The following MAP3K19 variants were observed in gnomAD, a reference collection of about 807,000 sequenced individuals.
MAP3K19 encodes SPS1/STE20-related protein kinase YSK4.
In MAP3K19, 91 loss-of-function variants were observed where a neutral mutation model predicts 114.4. The observed-to-expected ratio is 0.80, with a 90% CI of 0.67 to 0.95. The LOEUF is 0.95. MAP3K19 is among the 40% of genes least tolerant of loss of function. MAP3K19 has a pLI of 0.00. For missense variants in MAP3K19, 1,471 were observed against 1,573.2 expected, an observed-to-expected ratio of 0.94 and a Z score of 1.10; for synonymous variants, 518 against 530.5, an observed-to-expected ratio of 0.98 and a Z score of 0.32.
chr2:135,006,991 C>T (rs1374240029), intron 5 of MAP3K19, among the ~76,000 whole-genome samples: 1 of 151,714 alleles, frequency 6.6e-6, no homozygotes, highest in Non-Finnish European at 1.5e-5. Context: ...TGGTGAAGCC[C>T]CATCTCTACA....
chr2:134,998,760 C>T lies in MAP3K19; in HGVS notation c.552G>A (p.Lys184=). The stretch of plus-strand genomic sequence containing the variant: ...TACCTTCAGATTTTCTTTGCTGCTC[C>T]TTCAGAAAATGAGGAGCATCTTCTC... The part of the protein sequence containing the change: ...VTREDAPHFL[K]EQQRKSEEFS... Residue 184 remains lysine (K), a synonymous_variant, in exon 8 of 13, where the codon AAG becomes AAA. Coordinates refer to ENST00000392915, the MANE Select transcript of MAP3K19 (RefSeq NM_025052.5). 1 of 1,599,672 alleles carries T rather than the reference C, an allele frequency of 6.3e-7. No homozygotes were observed. The highest frequency in any genetic ancestry group is 1.1e-5 in the South Asian group (1 of 88,768).
chr2:134,974,596 C>T (rs1684099123), intron 12 of MAP3K19, among the ~76,000 whole-genome samples: 1 of 152,134 alleles, frequency 6.6e-6, no homozygotes, highest in African/African-American at 2.4e-5. Context: ...ATTTTCTATA[C>T]CTTTGGTCTT....
Position 134,986,154 on chromosome 2 carries a change from G to A in MAP3K19, c.2718C>T (p.Phe906=). 6.2e-7 allele frequency: 1 copy of A among 1,613,800 alleles called. No individual in the cohort carries two copies. Among genetic ancestry groups the A allele is most frequent in the Non-Finnish European group, 8.5e-7 (1 of 1,179,930 alleles). Residue 906 remains phenylalanine, a synonymous_variant, in exon 10 of 13, where the codon TTC becomes TTT. Coordinates refer to ENST00000392915, the MANE Select transcript of MAP3K19 (RefSeq NM_025052.5). Reference sequence around the variant, plus strand: ...CACTTTCTTGTTTTGCTTGGAAAGAGAAATTTGTAAGTGTTTTAGAGTGAT... The same window carrying A: ...CACTTTCTTGTTTTGCTTGGAAAGAAAAATTTGTAAGTGTTTTAGAGTGAT... The part of the protein sequence containing the change: ...VSDHSKTLTN[F]SFQAKQESAS...
intron 11 of MAP3K19, among the ~76,000 whole-genome samples, chr2:134,982,798 G>A (rs1388112978): frequency 6.6e-6 from 1 of 152,204 alleles, no homozygotes; most frequent in African/African-American, 2.4e-5. Context: ...TAATCTCAGT[G>A]GTTTTGTGTC....
intron 2 of MAP3K19, among the ~76,000 whole-genome samples, chr2:135,037,815 C>T (rs10167809): frequency 0.27 from 40,326 of 152,046 alleles, 7,211 homozygotes; most frequent in African/African-American, 0.48. Flanking sequence ...CAGGGGTCAC[C>T]TGGTCCTCTT....
At chr2:134,983,255 C>G (rs1230680169) in intron 11 of MAP3K19, 1 of 535,426 alleles carries the variant, frequency 1.9e-6, no homozygotes, top group South Asian at 1.4e-5. Context: ...TTTTTGCCAT[C>G]TAGTAATGAT....
intron 12 of MAP3K19, among the ~76,000 whole-genome samples, chr2:134,972,502 C>CA (rs1683950080): frequency 6.6e-6 from 1 of 152,042 alleles, no homozygotes; most frequent in East Asian, 1.9e-4. Context: ...AAGGTCACCC[C>CA]ATCTGGAATG....
At chr2:134,971,242 C>T (rs1014184034) in intron 12 of MAP3K19, among the ~76,000 whole-genome samples, 1 of 152,074 alleles carries the variant, frequency 6.6e-6, no homozygotes, top group South Asian at 2.1e-4. Context: ...CATGTTAAAC[C>T]ATCCTTGCAT....
intron 6 of MAP3K19, among the ~76,000 whole-genome samples, chr2:135,000,562 G>A (rs530362224): frequency 8.2e-4 from 125 of 152,298 alleles, no homozygotes; most frequent in African/African-American, 2.7e-3. Flanking sequence ...GTTCTTTAAG[G>A]TGTGTTCATT....
At chr2:135,029,244 C>T (rs1445989245) in intron 3 of MAP3K19, among the ~76,000 whole-genome samples, 3 of 152,066 alleles carry the variant, frequency 2.0e-5, no homozygotes, top group Non-Finnish European at 2.9e-5. Context: ...GGCATGGTGG[C>T]GGGCGCCTGT....
At chr2:135,007,276 A>G (rs1686892736) in intron 5 of MAP3K19, among the ~76,000 whole-genome samples, 1 of 152,194 alleles carries the variant, frequency 6.6e-6, no homozygotes, top group Non-Finnish European at 1.5e-5. Flanking sequence ...AGCAGTTTAT[A>G]CTTAAACATT....
In MAP3K19 at chr2:134,999,484, T is replaced by C. The variant is rs1686280575; in HGVS notation, c.314+453A>G. ...TCAATTTGTTTCACTACCCGATCAA[T>C]GAACGTAAGTTATTTGCCAAATTGC... On this transcript the variant is annotated intron_variant, in intron 7 of 12. Transcript: ENST00000392915. This position sits in a 1 kb window ranked among gnomAD's most constrained non-coding sequence, Gnocchi z 4.1. Among the ~76,000 whole-genome samples, 1 of 152,218 alleles carries C rather than the reference T, an allele frequency of 6.6e-6. No homozygotes were observed. The highest frequency in any genetic ancestry group is 1.5e-5 in the Non-Finnish European group (1 of 68,040).
chr2:134,966,414 G>C (rs1206396710), intron 12 of MAP3K19, among the ~76,000 whole-genome samples: 1 of 151,724 alleles, frequency 6.6e-6, no homozygotes, highest in East Asian at 1.9e-4. Context: ...TGTTATTTTT[G>C]TGGGTTTTTT....
intron 12 of MAP3K19, among the ~76,000 whole-genome samples, chr2:134,967,802 G>T (rs1393406600): frequency 1.3e-5 from 2 of 151,906 alleles, no homozygotes; most frequent in African/African-American, 2.4e-5. Context: ...CTGAGCGCCG[G>T]TCCCCTAGGC....
At chr2:135,015,877 G>A (rs530861463) in intron 5 of MAP3K19, among the ~76,000 whole-genome samples, 27 of 151,288 alleles carry the variant, frequency 1.8e-4, no homozygotes, top group Middle Eastern at 3.4e-3. Context: ...TGGCAACAGA[G>A]CGAGCCTCCA....
chr2:134,998,712 A>G, intron 8 of MAP3K19, 26 bp downstream of exon 8: 1 of 1,578,180 alleles, frequency 6.3e-7, no homozygotes, highest in Non-Finnish European at 8.6e-7. Flanking sequence ...AAAAGGACTC[A>G]CTGTGGAATT....
chr2:134,975,798 C>T (rs539578607), intron 12 of MAP3K19, among the ~76,000 whole-genome samples: 5 of 152,242 alleles, frequency 3.3e-5, no homozygotes, highest in Admixed American at 1.3e-4. Flanking sequence ...GTTGCTGAAG[C>T]GGGTGGGGTC....
At position 134,986,516 on chromosome 2, in the gene MAP3K19, T is replaced by C. The variant is rs758499212; in HGVS notation, c.2356A>G (p.Met786Val). Residue 786 changes from methionine to valine, a missense_variant, in exon 10 of 13, where the codon ATG becomes GTG. Physicochemically the swap from Met to Val is conservative, Grantham distance 21. Transcript: ENST00000392915. ...FLSSKDEIHP[M>V]NLAQTPEQSM... ...TGCTCAGGTGTCTGAGCCAAGTTCATGGGATGAATTTCATCTTTGGAAGAT... is the reference window on the plus strand; with the variant it reads ...TGCTCAGGTGTCTGAGCCAAGTTCACGGGATGAATTTCATCTTTGGAAGAT... 1 of 1,614,052 alleles carries C rather than the reference T, an allele frequency of 6.2e-7. No homozygotes were observed. The highest frequency in any genetic ancestry group is 8.5e-7 in the Non-Finnish European group (1 of 1,180,024).
At chr2:134,972,586 G>A (rs901570023) in intron 12 of MAP3K19, among the ~76,000 whole-genome samples, 1 of 151,686 alleles carries the variant, frequency 6.6e-6, no homozygotes, top group South Asian at 2.1e-4. Context: ...AGCCTACCAA[G>A]TGACCTAGCT....
Sources: gnomAD v4.1 joint callset for allele counts (sites outside exome capture counted in the v4.1 genomes callset) on GRCh38, gnomAD v4.1.1 for gene constraint, Gnocchi (gnomAD v3.1) non-coding constraint, MANE v1.5 for transcripts, NCBI Gene and HGNC (gene_info 2026-07-23, HGNC 2026-07-21) for gene names.